Variants in DPY19L1 observed in about 807,000 individuals in gnomAD.
DPY19L1 encodes the protein dpy-19 like C-mannosyltransferase 1, also known as protein C-mannosyl-transferase DPY19L1.
In DPY19L1, 35 loss-of-function variants were observed where a neutral mutation model predicts 96.9. The ratio of observed to expected loss-of-function variants is 0.36; its 90% CI spans 0.28 to 0.48. The LOEUF is 0.48. DPY19L1 is among the 20% of genes least tolerant of loss of function. The pLI, the probability that DPY19L1 is intolerant of heterozygous loss-of-function variation, is 0.99. For missense variants in DPY19L1, 521 were observed against 777.9 expected (o/e 0.67, Z 3.93); for synonymous variants, 205 against 252.6 (o/e 0.81, Z 1.79).
chr7:35,026,151 T>C (rs1476200059), intron 1 of DPY19L1, among the ~76,000 whole-genome samples: 6 of 152,300 alleles, frequency 3.9e-5, no homozygotes, highest in Non-Finnish European at 8.8e-5. Flanking sequence ...AGAGAATGAC[T>C]GGGGCACAAT....
chr7:34,987,148 T>C (rs1785067097), intron 7 of DPY19L1, among the ~76,000 whole-genome samples: 2 of 152,070 alleles, frequency 1.3e-5, no homozygotes, highest in African/African-American at 4.8e-5. Flanking sequence ...TCAACACATG[T>C]TGTGTGCATC....
intron 8 of DPY19L1, among the ~76,000 whole-genome samples, chr7:34,971,029 G>A (rs745752672): frequency 6.6e-6 from 1 of 152,056 alleles, no homozygotes; most frequent in Non-Finnish European, 1.5e-5. Context: ...CTCTTTTCTG[G>A]TTTTGTAACA....
chr7:35,033,221 A>C (rs329267), intron 1 of DPY19L1, among the ~76,000 whole-genome samples: 1,790 of 152,202 alleles, frequency 0.012, 35 homozygotes, highest in African/African-American at 0.039. Context: ...TTTTCTTTCT[A>C]TCGGTCTCAG....
At chr7:34,980,012 T>C (rs1316313477) in intron 7 of DPY19L1, among the ~76,000 whole-genome samples, 4 of 152,118 alleles carry the variant, frequency 2.6e-5, no homozygotes, top group Non-Finnish European at 5.9e-5. Context: ...ATTGAACTTA[T>C]AAAGCTACAA....
At chr7:34,938,947 T>G (rs191454175) in intron 20 of DPY19L1, 5 of 190,860 alleles carry the variant, frequency 2.6e-5, no homozygotes, top group Admixed American at 1.2e-4. Flanking sequence ...TAATAAACAC[T>G]CTAAGCTAAA....
At chr7:34,933,503 A>C (rs1290725736) in intron 21 of DPY19L1, among the ~76,000 whole-genome samples, 1 of 152,208 alleles carries the variant, frequency 6.6e-6, no homozygotes, top group Non-Finnish European at 1.5e-5. Context: ...TGAAGGATCA[A>C]AGTATTGTTT....
intron 6 of DPY19L1, among the ~76,000 whole-genome samples, chr7:35,002,591 A>G (rs920327860): frequency 2.3e-5 from 3 of 129,654 alleles, no homozygotes; most frequent in Non-Finnish European, 5.1e-5. Flanking sequence ...CCAAGAGAAC[A>G]CATGAAAGCA....
chr7:34,948,634 T>C (rs1175257875), intron 14 of DPY19L1, among the ~76,000 whole-genome samples: 1 of 152,246 alleles, frequency 6.6e-6, no homozygotes, highest in African/African-American at 2.4e-5. Context: ...TCTCAGACTG[T>C]AGCAGTATGT....
At chr7:34,941,096 C>G (rs1784002039) in intron 18 of DPY19L1, among the ~76,000 whole-genome samples, 1 of 152,168 alleles carries the variant, frequency 6.6e-6, no homozygotes, top group Non-Finnish European at 1.5e-5. Context: ...CTTATAAACA[C>G]TGGCTTTTGA....
intron 16 of DPY19L1, among the ~76,000 whole-genome samples, chr7:34,942,941 G>A (rs1649218): frequency 0.28 from 42,973 of 152,038 alleles, 6,254 homozygotes; most frequent in Non-Finnish European, 0.33. Context: ...AGCAAAGCAT[G>A]GAATGAAAAA....
chr7:35,003,849 T>C (rs1584249732), intron 6 of DPY19L1, among the ~76,000 whole-genome samples: 1 of 152,080 alleles, frequency 6.6e-6, no homozygotes. Flanking sequence ...CTCAGGGGAG[T>C]TGCAGTCAAT....
intron 18 of DPY19L1, among the ~76,000 whole-genome samples, chr7:34,941,373 AAAAAAAATAAGTTTGATACT>A (rs1245004346): frequency 2.0e-5 from 3 of 152,164 alleles, no homozygotes; most frequent in Non-Finnish European, 2.9e-5. Flanking sequence ...CACCAACTGA[AAAAAAAATAAGTTTGATACT>A]AAAAAAAGAA....
At chr7:34,981,942 C>G (rs573833010) in intron 7 of DPY19L1, among the ~76,000 whole-genome samples, 1 of 152,006 alleles carries the variant, frequency 6.6e-6, no homozygotes, top group East Asian at 1.9e-4. Flanking sequence ...AGAGTGAGAC[C>G]CTGTCTCAAA....
intron 11 of DPY19L1, among the ~76,000 whole-genome samples, chr7:34,956,633 A>G (rs1383663960): frequency 6.6e-6 from 1 of 151,122 alleles, no homozygotes; most frequent in Non-Finnish European, 1.5e-5. Flanking sequence ...CCTCCTGAGT[A>G]GCTGGGACTA....
chr7:34,986,060 G>A (rs1785040170), intron 7 of DPY19L1, among the ~76,000 whole-genome samples: 1 of 152,008 alleles, frequency 6.6e-6, no homozygotes, highest in Non-Finnish European at 1.5e-5. Flanking sequence ...CCAAGCACAG[G>A]AAGGCAAATA....
At chr7:34,991,438 C>G (rs781121670) in intron 6 of DPY19L1, among the ~76,000 whole-genome samples, 2 of 152,160 alleles carry the variant, frequency 1.3e-5, no homozygotes, top group African/African-American at 2.4e-5. Flanking sequence ...GAGCATCAGA[C>G]AGAGGAGCTT....
chr7:35,032,799 T>A (rs759306216), intron 1 of DPY19L1, among the ~76,000 whole-genome samples: 1 of 152,066 alleles, frequency 6.6e-6, no homozygotes, highest in Non-Finnish European at 1.5e-5. Flanking sequence ...ATGTACAAAG[T>A]ATTCATAACT....
chr7:34,985,209 G>T (rs1785022026), intron 7 of DPY19L1, among the ~76,000 whole-genome samples: 1 of 152,068 alleles, frequency 6.6e-6, no homozygotes, highest in African/African-American at 2.4e-5. Flanking sequence ...GAGACTAATG[G>T]GGAATCAGGA....
In DPY19L1 at chr7:34,958,025, A is replaced by C; in HGVS notation, c.1138T>G (p.Leu380Val). The C allele has an allele frequency of 6.3e-7, 1 of 1,587,938 alleles. No individual in the cohort carries two copies. The highest frequency in any genetic ancestry group is 8.5e-7 in the Non-Finnish European group (1 of 1,172,728). ...CFVLMFGNSM[L>V]LTSYYASSLV... is the part of the protein sequence containing the mutation. ...GAAGAAGCATAATAAGAAGTTAATA[A>C]CATTGAGTTCCCAAACATCAAAACA... The change falls in exon 11 of 22, where the codon TTA (leucine) becomes GTA (valine). Residue 380 changes from leucine to valine, a missense_variant. Physicochemically the swap from Leu to Val is conservative, Grantham distance 32. Coordinates refer to ENST00000638088, the MANE Select transcript of DPY19L1 (RefSeq NM_001366673.1).
Sources: gnomAD v4.1 joint callset for allele counts (sites outside exome capture counted in the v4.1 genomes callset) on GRCh38, gnomAD v4.1.1 for gene constraint, MANE v1.5 for transcripts, NCBI Gene and HGNC (gene_info 2026-07-23, HGNC 2026-07-21) for gene names.